GRIN2D: variants seen among roughly 807,000 people sequenced by gnomAD.
GRIN2D encodes the protein glutamate receptor ionotropic, NMDA 2D.
GRIN2D carries 37 observed loss-of-function variants against 103.2 expected under a neutral mutation model. The ratio of observed to expected loss-of-function variants is 0.36; its 90% CI spans 0.28 to 0.47. The LOEUF is 0.47. GRIN2D is among the 20% of genes least tolerant of loss of function. The pLI is 1.00. For missense variants in GRIN2D, 1,557 were observed against 1,910.6 expected (o/e 0.81, Z 3.45); for synonymous variants, 845 against 885.6 (o/e 0.95, Z 0.81).
intron 2 of GRIN2D, among the ~76,000 whole-genome samples, chr19:48,397,532 T>A (rs2147433118): frequency 6.6e-6 from 1 of 152,018 alleles, no homozygotes; most frequent in South Asian, 2.1e-4. Flanking sequence ...TGCGCGTGTC[T>A]CTTGGTGGCC....
chr19:48,425,757 G>A (rs1044668630), intron 11 of GRIN2D, among the ~76,000 whole-genome samples: 1 of 151,990 alleles, frequency 6.6e-6, no homozygotes, highest in Non-Finnish European at 1.5e-5. Flanking sequence ...GCCTCATCCC[G>A]TGTCTTTTTA....
Position 48,393,835 on chromosome 19 carries a change from C to T in GRIN2D, c.-339C>T, listed in dbSNP as rs374411848. On this transcript the variant is annotated 5_prime_UTR_variant, in exon 1 of 14. Transcript: ENST00000263269. This position sits in a 1 kb window ranked among gnomAD's most constrained non-coding sequence, Gnocchi z 5.6. ...GTTGCCTGGGTAGGTCGGCCCGGCC[C>T]CCAGGGGTCTCTCGAGCGTCTGCCA... 5.3e-5 allele frequency among the ~76,000 whole-genome samples: 8 copies of T among 152,144 alleles called. No homozygotes were observed. In the East Asian group the frequency reaches 1.6e-3, roughly 30 times the overall value.
chr19:48,412,720 C>T (rs149368891), intron 4 of GRIN2D, among the ~76,000 whole-genome samples: 3,246 of 149,510 alleles, frequency 0.022, 101 homozygotes, highest in African/African-American at 0.075. Flanking sequence ...ACCCGGGAGG[C>T]GGAGGTTGCA....
chr19:48,414,521 C>T lies in GRIN2D; in HGVS notation c.1349C>T (p.Pro450Leu). ...RPFVIVEPADPISGTCIRDSV... is the reference protein window; with the variant it reads ...RPFVIVEPADLISGTCIRDSV... Reference sequence around the variant, plus strand: ...TTTGTCATCGTGGAGCCTGCAGACCCTATCAGCGGCACCTGCATCCGAGAC... The same window carrying T: ...TTTGTCATCGTGGAGCCTGCAGACCTTATCAGCGGCACCTGCATCCGAGAC... Residue 450 changes from proline to leucine, a missense_variant, in exon 6 of 14, where the codon CCT becomes CTT. By Grantham distance (98) the Pro-to-Leu change is moderately conservative. Coordinates refer to ENST00000263269, the MANE Select transcript of GRIN2D (RefSeq NM_000836.4). This position sits in a 1 kb window ranked among gnomAD's most constrained non-coding sequence, Gnocchi z 4.6. 1 of 1,564,286 alleles carries T rather than the reference C, an allele frequency of 6.4e-7. No homozygotes were observed. Among genetic ancestry groups the T allele is most frequent in the Non-Finnish European group, 8.7e-7 (1 of 1,154,660 alleles).
At chr19:48,416,482 A>G (rs1970950470) in intron 8 of GRIN2D, among the ~76,000 whole-genome samples, 1 of 152,146 alleles carries the variant, frequency 6.6e-6, no homozygotes, top group Non-Finnish European at 1.5e-5. Context: ...AGCCCTCCAA[A>G]TTGTGCAAGC....
intron 8 of GRIN2D, among the ~76,000 whole-genome samples, chr19:48,416,963 T>C (rs1350043723): frequency 6.6e-6 from 1 of 152,102 alleles, no homozygotes; most frequent in Non-Finnish European, 1.5e-5. Flanking sequence ...CAGCCTAATC[T>C]CAAACTCCTG....
chr19:48,410,196 C>T (rs1271278460), intron 4 of GRIN2D, among the ~76,000 whole-genome samples: 2 of 150,662 alleles, frequency 1.3e-5, no homozygotes, highest in Non-Finnish European at 2.9e-5. Flanking sequence ...GATGGTGGGA[C>T]CACAATAGTT....
intron 11 of GRIN2D, among the ~76,000 whole-genome samples, chr19:48,431,596 T>G (rs1971156188): frequency 6.6e-6 from 1 of 151,924 alleles, no homozygotes; most frequent in Non-Finnish European, 1.5e-5. Context: ...TTTTTTTTTT[T>G]TTTTTGAGAC....
intron 11 of GRIN2D, among the ~76,000 whole-genome samples, chr19:48,429,101 T>C (rs1971124486): frequency 6.6e-6 from 1 of 152,250 alleles, no homozygotes. Context: ...AATTTCCTGC[T>C]TCTGCTGAAT....
At chr19:48,423,079 C>T (rs10408504) in intron 11 of GRIN2D, among the ~76,000 whole-genome samples, 2,179 of 152,160 alleles carry the variant, frequency 0.014, 65 homozygotes, top group African/African-American at 0.049. Context: ...GGCGTGGTGG[C>T]GGGCGCCTGT....
chr19:48,424,966 T>C (rs1971070270), intron 11 of GRIN2D, among the ~76,000 whole-genome samples: 1 of 152,040 alleles, frequency 6.6e-6, no homozygotes, highest in African/African-American at 2.4e-5. Flanking sequence ...CTTCTTCCGT[T>C]TTCTTCTCGC....
chr19:48,411,450 G>C (rs1446360356), intron 4 of GRIN2D, among the ~76,000 whole-genome samples: 1 of 151,934 alleles, frequency 6.6e-6, no homozygotes, highest in Non-Finnish European at 1.5e-5. Context: ...AGGAGTTCAA[G>C]ACCAGCCTGA....
chr19:48,424,469 A>G (rs1971064336), intron 11 of GRIN2D, among the ~76,000 whole-genome samples: 1 of 149,878 alleles, frequency 6.7e-6, no homozygotes, highest in Non-Finnish European at 1.5e-5. Context: ...ACGGGGTTTC[A>G]CCGTGTTAGC....
chr19:48,400,815 C>T (rs1970702689), intron 3 of GRIN2D, among the ~76,000 whole-genome samples: 1 of 152,220 alleles, frequency 6.6e-6, no homozygotes, highest in Admixed American at 6.5e-5. Context: ...CCTGTAATCC[C>T]AGCACTTTGG....
At chr19:48,402,136 G>T (rs553222609) in intron 3 of GRIN2D, among the ~76,000 whole-genome samples, 8 of 134,316 alleles carry the variant, frequency 6.0e-5, no homozygotes, top group East Asian at 2.1e-4. Flanking sequence ...AAGAAAGAAA[G>T]AAAGAAAGAA....
chr19:48,411,326 A>AAATAAT (rs200053542), intron 4 of GRIN2D, among the ~76,000 whole-genome samples: 9,122 of 138,092 alleles, frequency 0.066, 412 homozygotes, highest in African/African-American at 0.13. Flanking sequence ...CCCCGTCTCA[A>AAATAAT]AATAATAATA....
Position 48,443,308 on chromosome 19 carries a change from G to A in GRIN2D, c.3382G>A (p.Gly1128Ser). The stretch of plus-strand genomic sequence containing the variant: ...GAGCCTGGGCGGCGCGTCGCTGGGC[G>A]GCCTGGAGCCCTGGTGGTTCGCCGA... Reference protein sequence around the residue: ...SESLGGASLGGLEPWWFADFP... With the variant: ...SESLGGASLGSLEPWWFADFP... Residue 1128 changes from glycine (G) to serine (S), a missense_variant, in exon 14 of 14, where the codon GGC (glycine) becomes AGC (serine). Physicochemically the swap from Gly to Ser is moderately conservative, Grantham distance 56. This residue lies in a region of GRIN2D where 632 missense variants were observed against 572.8 expected (regional missense o/e 1.10). Coordinates refer to ENST00000263269, the MANE Select transcript of GRIN2D (RefSeq NM_000836.4). The surrounding 1 kb of genome is among the most constrained non-coding windows in gnomAD (Gnocchi z 8.9). 2 of 1,541,912 alleles carry A rather than the reference G, an allele frequency of 1.3e-6. No homozygotes were observed. The highest frequency in any genetic ancestry group is 1.2e-5 in the South Asian group (1 of 85,524).
At chr19:48,402,254 G>A (rs139935210) in intron 3 of GRIN2D, among the ~76,000 whole-genome samples, 1 of 152,314 alleles carries the variant, frequency 6.6e-6, no homozygotes, top group African/African-American at 2.4e-5. Context: ...AGTGATGGCA[G>A]TGAGGAGTGG....
At chr19:48,422,533 C>A (rs192298336) in intron 11 of GRIN2D, among the ~76,000 whole-genome samples, 6 of 151,442 alleles carry the variant, frequency 4.0e-5, no homozygotes, top group African/African-American at 1.2e-4. Flanking sequence ...ATCGCTTGAA[C>A]CTGGGAGTCG....
Sources: allele counts gnomAD v4.1 joint callset (sites outside exome capture counted in the v4.1 genomes callset), GRCh38; gene constraint gnomAD v4.1.1; regional missense constraint gnomAD v4.1.1; non-coding constraint Gnocchi (gnomAD v3.1); transcripts MANE v1.5; gene names NCBI Gene and HGNC (gene_info 2026-07-23, HGNC 2026-07-21).